The following KCNJ1 variants were observed in gnomAD, a reference collection of about 807,000 sequenced individuals.
KCNJ1 encodes the protein ATP-sensitive inward rectifier potassium channel 1.
In KCNJ1, 24 loss-of-function variants were observed where a neutral mutation model predicts 21.9. The ratio of observed to expected loss-of-function variants is 1.10; its 90% CI spans 0.79 to 1.54. The LOEUF (loss-of-function observed/expected upper bound fraction) is 1.54. Among genes scored for constraint, KCNJ1 ranks in the 40% most tolerant of loss-of-function variants. The pLI, the probability that KCNJ1 is intolerant of heterozygous loss-of-function variation, is 0.00. For missense variants in KCNJ1, 457 were observed against 455.4 expected (o/e 1.00, Z -0.03); for synonymous variants, 152 against 160.9 (o/e 0.94, Z 0.42).
At chr11:128,866,633 T>G (rs1244617127) in intron 1 of KCNJ1, 1 of 478,862 alleles carries the variant, frequency 2.1e-6, no homozygotes, top group East Asian at 1.5e-4. Context: ...CCATTCAGAA[T>G]GGTGCAAAAT....
At chr11:128,864,650 C>G (rs1943785141) in intron 1 of KCNJ1, among the ~76,000 whole-genome samples, 1 of 152,110 alleles carries the variant, frequency 6.6e-6, no homozygotes, top group South Asian at 2.1e-4. Context: ...TGGCTTGAGC[C>G]TAGGTCATCA....
At chr11:128,858,741 T>C (rs1395545086) in intron 1 of KCNJ1, among the ~76,000 whole-genome samples, 3 of 152,308 alleles carry the variant, frequency 2.0e-5, no homozygotes, top group South Asian at 2.1e-4. Flanking sequence ...CTATTCCCAG[T>C]GTCTAAAGGA....
At chr11:128,851,694 C>T (rs866475442) in intron 1 of KCNJ1, among the ~76,000 whole-genome samples, 8 of 152,100 alleles carry the variant, frequency 5.3e-5, no homozygotes, top group African/African-American at 1.2e-4. Context: ...TCCATGTGGA[C>T]GGGAGGCCTG....
In KCNJ1 at chr11:128,842,567, C is replaced by A; in HGVS notation, c.-21-2303G>T. The A allele has an allele frequency of 2.0e-6, 3 of 1,496,522 alleles. No individual in the cohort carries two copies. In the South Asian group the frequency reaches 4.0e-5, roughly 20 times the overall value. The allele number at this position is 1,496,522 out of a possible 1,614,324, so 92.7% of individuals were successfully genotyped here. A position where few individuals can be genotyped will look rare whatever the true frequency, so the allele number is the denominator to read the frequency against. On this transcript the variant is annotated intron_variant, in intron 2 of 2. Transcript: ENST00000392666. The stretch of plus-strand genomic sequence containing the variant: ...GAAACACTTAATTTGATAGTGGAGT[C>A]GTGTGATTTAAACCAAGGCAATTGG...
intron 1 of KCNJ1, among the ~76,000 whole-genome samples, chr11:128,865,190 A>G (rs1943795109): frequency 6.6e-6 from 1 of 152,128 alleles, no homozygotes; most frequent in Non-Finnish European, 1.5e-5. Context: ...CAGCGCATTT[A>G]GGATCATGCT....
At chr11:128,858,343 T>C (rs545491892) in intron 1 of KCNJ1, among the ~76,000 whole-genome samples, 3 of 152,182 alleles carry the variant, frequency 2.0e-5, no homozygotes, top group South Asian at 2.1e-4. Context: ...AGCCCTACCA[T>C]GAAAAACAGG....
At chr11:128,844,735 C>A (rs1438039578) in intron 2 of KCNJ1, among the ~76,000 whole-genome samples, 3 of 152,134 alleles carry the variant, frequency 2.0e-5, no homozygotes, top group African/African-American at 7.2e-5. Context: ...CCACCCCAGC[C>A]TGCTCAGCAG....
At chr11:128,842,242 A>T in intron 2 of KCNJ1, 1 of 1,003,454 alleles carries the variant, frequency 1.0e-6, no homozygotes, top group Non-Finnish European at 1.5e-6. Flanking sequence ...TTACTTTTAA[A>T]GGTAAAGAAG....
intron 1 of KCNJ1, among the ~76,000 whole-genome samples, chr11:128,864,877 A>C (rs1943789404): frequency 6.6e-6 from 1 of 151,638 alleles, no homozygotes; most frequent in African/African-American, 2.4e-5. Context: ...GTCTTACCCT[A>C]CTCTAGTCCA....
chr11:128,841,827 G>A (rs1943286941), intron 2 of KCNJ1, among the ~76,000 whole-genome samples: 1 of 152,146 alleles, frequency 6.6e-6, no homozygotes, highest in African/African-American at 2.4e-5. Flanking sequence ...CATAAAAAAA[G>A]AAAATGCTGC....
chr11:128,851,372 T>C (rs1226629557), intron 1 of KCNJ1, among the ~76,000 whole-genome samples: 1 of 152,248 alleles, frequency 6.6e-6, no homozygotes, highest in African/African-American at 2.4e-5. Context: ...TATAGTGGAT[T>C]ATTTTATAAA....
At chr11:128,847,406 C>T (rs1943399973) in intron 2 of KCNJ1, among the ~76,000 whole-genome samples, 1 of 152,240 alleles carries the variant, frequency 6.6e-6, no homozygotes, top group Non-Finnish European at 1.5e-5. Context: ...TACAAGCCCA[C>T]TGGTGAGAAC....
chr11:128,864,927 A>T (rs933187233), intron 1 of KCNJ1, among the ~76,000 whole-genome samples: 2 of 151,802 alleles, frequency 1.3e-5, no homozygotes, highest in African/African-American at 4.8e-5. Flanking sequence ...CCACAATGTA[A>T]ATAAGATCTT....
intron 2 of KCNJ1, 69 bp from the exon 3 acceptor site, chr11:128,840,333 T>G (rs1426828207): frequency 9.1e-6 from 13 of 1,428,904 alleles, no homozygotes; most frequent in East Asian, 2.3e-5. Context: ...GTGACCCACA[T>G]GAAAGACCTA....
In KCNJ1 at chr11:128,838,822, G is replaced by C; in HGVS notation, c.*303C>G. 1 of 351,460 alleles carries C rather than the reference G, an allele frequency of 2.8e-6. No homozygotes were observed. The highest frequency in any genetic ancestry group is 5.2e-6 in the Non-Finnish European group (1 of 192,498). 21.8% of individuals were successfully genotyped at this position (351,460 alleles called of 1,614,324 possible). On this transcript the variant is annotated 3_prime_UTR_variant, in exon 3 of 3. Coordinates refer to ENST00000392666, the MANE Select transcript of KCNJ1 (RefSeq NM_153766.3). ...TGTTTGGCCTGTTCATGAAACTTTTGATAATTTTATCTGCTCCAATCCACC... is the reference window on the plus strand; with the variant it reads ...TGTTTGGCCTGTTCATGAAACTTTTCATAATTTTATCTGCTCCAATCCACC...
At chr11:128,841,387 T>C (rs1311865488) in intron 2 of KCNJ1, among the ~76,000 whole-genome samples, 2 of 152,220 alleles carry the variant, frequency 1.3e-5, no homozygotes, top group African/African-American at 4.8e-5. Context: ...AAATCCTATT[T>C]GCTCAATTGA....
intron 1 of KCNJ1, among the ~76,000 whole-genome samples, chr11:128,857,154 T>A (rs1943605084): frequency 6.6e-6 from 1 of 152,124 alleles, no homozygotes; most frequent in African/African-American, 2.4e-5. Context: ...TGCTTCCTCC[T>A]TCAGGGCTGC....
intron 2 of KCNJ1, among the ~76,000 whole-genome samples, chr11:128,840,895 G>A (rs1321573258): frequency 2.0e-5 from 3 of 152,202 alleles, no homozygotes; most frequent in Non-Finnish European, 4.4e-5. Flanking sequence ...TACCTAGCCA[G>A]TGGCAGGATG....
chr11:128,861,344 T>A (rs1450852882), intron 1 of KCNJ1, among the ~76,000 whole-genome samples: 1 of 151,890 alleles, frequency 6.6e-6, no homozygotes, highest in African/African-American at 2.4e-5. Context: ...GGGGCTGGGG[T>A]CAATGGGGAT....
Sources: allele counts gnomAD v4.1 joint callset (sites outside exome capture counted in the v4.1 genomes callset), GRCh38; gene constraint gnomAD v4.1.1; transcripts MANE v1.5; gene names NCBI Gene and HGNC (gene_info 2026-07-23, HGNC 2026-07-21).